Variants in PMEPA1 observed in about 807,000 individuals in gnomAD.
The protein encoded by PMEPA1 is prostate transmembrane protein, androgen induced 1.
Under a neutral mutation model 23.0 loss-of-function variants are expected in PMEPA1, and 11 were observed. The observed-to-expected ratio is 0.48, with a 90% CI of 0.30 to 0.79. The LOEUF (loss-of-function observed/expected upper bound fraction) is 0.79. Among genes scored for constraint, PMEPA1 ranks in the 30% least tolerant of loss-of-function variants. PMEPA1 has a pLI of 0.06. For missense variants in PMEPA1, 377 were observed against 390.9 expected, an observed-to-expected ratio of 0.96 and a Z score of 0.30; for synonymous variants, 204 against 166.4, an observed-to-expected ratio of 1.23 and a Z score of -1.74.
intron 1 of PMEPA1, among the ~76,000 whole-genome samples, chr20:57,664,677 G>C (rs1287912894): frequency 6.6e-6 from 1 of 152,200 alleles, no homozygotes; most frequent in African/African-American, 2.4e-5. Flanking sequence ...ACCCCAGCAG[G>C]ACTGCCAACG....
At position 57,648,550 on chromosome 20, in the gene PMEPA1, C is replaced by T. The variant is rs112975251; in HGVS notation, c.*3503G>A. 1,536 of 152,710 alleles carry T rather than the reference C, an allele frequency of 0.01. 24 individuals carry two copies. The highest frequency in any genetic ancestry group is 0.045 in the South Asian group (219 of 4,820). The allele number at this position is 152,710 out of a possible 1,614,324, so 9.5% of individuals were successfully genotyped here. A position where few individuals can be genotyped will look rare whatever the true frequency, so the allele number is the denominator to read the frequency against. On this transcript the variant is annotated 3_prime_UTR_variant, in exon 4 of 4. Coordinates refer to ENST00000341744, the MANE Select transcript of PMEPA1 (RefSeq NM_020182.5). ...CTTACGCAGCGGGGACGTGGGTGCG[C>T]GCCCCGCATGCCACGGAAAGCTTAC...
At chr20:57,711,088 C>G (rs1013593813), upstream of PMEPA1, 5 of 152,228 alleles carry the variant, frequency 3.3e-5, no homozygotes, top group African/African-American at 1.2e-4. Context: ...AGTGGTGGAG[C>G]CTGTGTGCCA....
At chr20:57,699,224 C>T (rs1179174081) in intron 1 of PMEPA1, among the ~76,000 whole-genome samples, 1 of 152,166 alleles carries the variant, frequency 6.6e-6, no homozygotes, top group Non-Finnish European at 1.5e-5. Context: ...CAGCTTGATG[C>T]AAGAAGGAGC....
At chr20:57,706,042 T>G (rs572687848) in intron 1 of PMEPA1, among the ~76,000 whole-genome samples, 7 of 152,228 alleles carry the variant, frequency 4.6e-5, no homozygotes, top group Non-Finnish European at 8.8e-5. Context: ...TTTCTCATAT[T>G]TGTTTGGAAA....
chr20:57,689,484 C>A (rs2071847528), intron 1 of PMEPA1, among the ~76,000 whole-genome samples: 1 of 152,218 alleles, frequency 6.6e-6, no homozygotes, highest in East Asian at 1.9e-4. Context: ...CCACCCCGTT[C>A]CTCCTGGGGA....
In PMEPA1 at chr20:57,650,691, C is replaced by T. The variant is rs1453865875; in HGVS notation, c.*1362G>A. On this transcript the variant is annotated 3_prime_UTR_variant, in exon 4 of 4. Coordinates refer to ENST00000341744, the MANE Select transcript of PMEPA1 (RefSeq NM_020182.5). ...CGCCCGAAGCTCGGGTTGGTGTTTG[C>T]TCAACTGCTTTACTCATTTTAACCC... The T allele has an allele frequency of 6.6e-6, 1 of 152,260 alleles. No individual in the cohort carries two copies. The highest frequency in any genetic ancestry group is 1.5e-5 in the Non-Finnish European group (1 of 68,058). 9.4% of individuals were successfully genotyped at this position (152,260 alleles called of 1,614,324 possible).
At chr20:57,696,311 C>T (rs1433972729) in intron 1 of PMEPA1, among the ~76,000 whole-genome samples, 1 of 152,172 alleles carries the variant, frequency 6.6e-6, no homozygotes, top group Non-Finnish European at 1.5e-5. Flanking sequence ...GCCTGGGCGC[C>T]CCTGGGGCTC....
chr20:57,660,929 C>G (rs545663095), intron 1 of PMEPA1, among the ~76,000 whole-genome samples: 45 of 152,314 alleles, frequency 3.0e-4, no homozygotes, highest in South Asian at 2.3e-3. Flanking sequence ...CATCCCAACA[C>G]ACACTTCCCA....
In PMEPA1 at chr20:57,651,835, G is replaced by GT. The variant is rs752968841; in HGVS notation, c.*217dup. The GT allele has an allele frequency of 0.04, 12,093 of 299,002 alleles. 119 individuals are homozygous for GT. The highest frequency in any genetic ancestry group is 0.078 in the African/African-American group (3,334 of 42,732). 18.5% of individuals were successfully genotyped at this position (299,002 alleles called of 1,614,324 possible). ...AGACACAGCTCAACAAAGAAACGTGGTTTTTTTTTTTCTTTTTTCTTTTTT... is the reference window on the plus strand; with the variant it reads ...AGACACAGCTCAACAAAGAAACGTGGTTTTTTTTTTTTCTTTTTTCTTTTTT... On this transcript the variant is annotated 3_prime_UTR_variant, in exon 4 of 4. Transcript: ENST00000341744.
In PMEPA1 at chr20:57,709,948, C is replaced by T. The variant is rs1365004548; in HGVS notation, c.-366G>A. Reference sequence around the variant, plus strand: ...CCGCCGCCGCCGCCGCCTCCTCCTCCTCATTCAAGTCCAAGGAGATCGGGT... The same window carrying T: ...CCGCCGCCGCCGCCGCCTCCTCCTCTTCATTCAAGTCCAAGGAGATCGGGT... On this transcript the variant is annotated 5_prime_UTR_variant, in exon 1 of 4. Coordinates refer to ENST00000341744, the MANE Select transcript of PMEPA1 (RefSeq NM_020182.5). The T allele has an allele frequency of 5.9e-6, 6 of 1,010,750 alleles. No individual in the cohort carries two copies. The highest frequency in any genetic ancestry group is 7.1e-6 in the Non-Finnish European group (6 of 849,810). The allele number at this position is 1,010,750 out of a possible 1,614,324, so 62.6% of individuals were successfully genotyped here. A position where few individuals can be genotyped will look rare whatever the true frequency, so the allele number is the denominator to read the frequency against.
intron 1 of PMEPA1, among the ~76,000 whole-genome samples, chr20:57,662,407 G>T (rs2071434331): frequency 6.6e-6 from 1 of 152,204 alleles, no homozygotes; most frequent in South Asian, 2.1e-4. Flanking sequence ...CCTAGAGCTG[G>T]CGCGTCCTCC....
rs191289944 is a variant in PMEPA1 at position 57,659,287 on chromosome 20, G to A, written c.264+256C>T. 3.9e-5 allele frequency among the ~76,000 whole-genome samples: 6 copies of A among 152,334 alleles called. No homozygotes were observed. In the East Asian group the frequency reaches 5.8e-4, roughly 15 times the overall value. ...GGCTGCTCGAGAGTCAGCTGAGTGC[G>A]TGAGTGGATCACGAAGCCTCTTCCC... On this transcript the variant is annotated intron_variant, in intron 2 of 3. Coordinates refer to ENST00000341744, the MANE Select transcript of PMEPA1 (RefSeq NM_020182.5).
chr20:57,667,402 G>C (rs1157339408), intron 1 of PMEPA1, among the ~76,000 whole-genome samples: 1 of 152,202 alleles, frequency 6.6e-6, no homozygotes, highest in Non-Finnish European at 1.5e-5. Context: ...ACTAGGCGGG[G>C]AGGTGCGGCG....
At chr20:57,671,337 G>C (rs1568971357) in intron 1 of PMEPA1, among the ~76,000 whole-genome samples, 1 of 152,148 alleles carries the variant, frequency 6.6e-6, no homozygotes, top group African/African-American at 2.4e-5. Flanking sequence ...TGAGGAGAGT[G>C]GACGACAAAT....
Position 57,651,832 on chromosome 20 carries a change from GT to G in PMEPA1, c.*220del. On this transcript the variant is annotated 3_prime_UTR_variant, in exon 4 of 4. Coordinates refer to ENST00000341744, the MANE Select transcript of PMEPA1 (RefSeq NM_020182.5). ...TCAAGACACAGCTCAACAAAGAAAC[GT>G]GGTTTTTTTTTTTCTTTTTTCTTTT... is the stretch of plus-strand genomic sequence containing the variant. 2.6e-6 allele frequency: 1 copy of G among 384,156 alleles called. No individual in the cohort carries two copies. Among genetic ancestry groups the G allele is most frequent in the Non-Finnish European group, 4.5e-6 (1 of 221,450 alleles). 23.8% of individuals were successfully genotyped at this position (384,156 alleles called of 1,614,324 possible). A position where few individuals can be genotyped will look rare whatever the true frequency, so the allele number is the denominator to read the frequency against.
chr20:57,662,075 G>A (rs748926031), intron 1 of PMEPA1, among the ~76,000 whole-genome samples: 14 of 152,214 alleles, frequency 9.2e-5, no homozygotes, highest in African/African-American at 2.7e-4. Flanking sequence ...GGCTCAGCGC[G>A]CCATTGTCTA....
At chr20:57,658,981 G>T (rs777664654) in intron 2 of PMEPA1, among the ~76,000 whole-genome samples, 1 of 152,172 alleles carries the variant, frequency 6.6e-6, no homozygotes, top group Non-Finnish European at 1.5e-5. Flanking sequence ...GCCTGCCCCA[G>T]GTGCCTCCCT....
rs1036858116 is a variant in PMEPA1 at position 57,655,508 on chromosome 20, C to T, written c.265-2422G>A. 6.6e-5 allele frequency among the ~76,000 whole-genome samples: 10 copies of T among 152,354 alleles called. No homozygotes were observed. The highest frequency in any genetic ancestry group is 3.9e-4 in the East Asian group (2 of 5,194). On this transcript the variant is annotated intron_variant, in intron 2 of 3. Coordinates refer to ENST00000341744, the MANE Select transcript of PMEPA1 (RefSeq NM_020182.5). The surrounding 1 kb of genome is among the most constrained non-coding windows in gnomAD (Gnocchi z 4.2). ...TAAGTGCGGAAGTTGCTGGGTGACC[C>T]GTGCAAGTCATCTTTGTGGAATTAG...
chr20:57,656,947 G>A lies in PMEPA1; in HGVS notation c.264+2596C>T, dbSNP rs2071334894. Among the ~76,000 whole-genome samples, 2 of 152,200 alleles carry A rather than the reference G, an allele frequency of 1.3e-5. No individual in the cohort carries two copies. The highest frequency in any genetic ancestry group is 2.1e-4 in the South Asian group (1 of 4,828). ...CTCCTGTCTGGCAGGGGGTCCCCAG[G>A]GGAGCTGCCACATTCTGCTTTAGGC... On this transcript the variant is annotated intron_variant, in intron 2 of 3. Coordinates refer to ENST00000341744, the MANE Select transcript of PMEPA1 (RefSeq NM_020182.5). This position sits in a 1 kb window ranked among gnomAD's most constrained non-coding sequence, Gnocchi z 4.7.
Sources: allele counts gnomAD v4.1 joint callset (sites outside exome capture counted in the v4.1 genomes callset), GRCh38; gene constraint gnomAD v4.1.1; non-coding constraint Gnocchi (gnomAD v3.1); transcripts MANE v1.5; gene names NCBI Gene and HGNC (gene_info 2026-07-23, HGNC 2026-07-21).